Variants in GNAO1 observed in about 807,000 individuals in gnomAD.
GNAO1 encodes the protein G protein subunit alpha o1, also known as guanine nucleotide-binding protein G(o) subunit alpha.
For synonymous variants in GNAO1, 164 were observed against 180.7 expected (o/e 0.91, Z 0.74); for missense variants, 166 against 478.7 (o/e 0.35, Z 6.10).
intron 3 of GNAO1, chr16:56,300,960 T>C (rs1432692564): frequency 1.3e-5 from 2 of 152,216 alleles, no homozygotes; most frequent in African/African-American, 2.4e-5. Context: ...AAGTTTTAGT[T>C]CCAGAAGCCA....
At chr16:56,198,710 CATT>C (rs1164229578) in intron 2 of GNAO1, among the ~76,000 whole-genome samples, 7 of 152,280 alleles carry the variant, frequency 4.6e-5, no homozygotes, top group African/African-American at 7.2e-5. Context: ...ATGTAGAAAT[CATT>C]ATACAAATGT....
intron 2 of GNAO1, among the ~76,000 whole-genome samples, chr16:56,273,658 A>G (rs540661958): frequency 2.6e-5 from 4 of 152,298 alleles, no homozygotes; most frequent in Admixed American, 2.0e-4. Context: ...TTTATTCTCC[A>G]GGTAGTTAAG....
intron 2 of GNAO1, among the ~76,000 whole-genome samples, chr16:56,265,647 A>G (rs1392177769): frequency 2.6e-5 from 4 of 152,168 alleles, no homozygotes; most frequent in South Asian, 2.1e-4. Context: ...GCTATAATCT[A>G]TAAGTGTTCC....
At chr16:56,313,529 C>A (rs148824486) in intron 3 of GNAO1, among the ~76,000 whole-genome samples, 2 of 151,968 alleles carry the variant, frequency 1.3e-5, no homozygotes, top group Non-Finnish European at 2.9e-5. Flanking sequence ...GAAAATGGCT[C>A]GGTTCTCACA....
intron 2 of GNAO1, among the ~76,000 whole-genome samples, chr16:56,213,740 TG>T (rs1219058707): frequency 6.6e-6 from 1 of 151,864 alleles, no homozygotes; most frequent in East Asian, 1.9e-4. Context: ...GGGGGAAGAG[TG>T]CTCCAGGCAG....
Position 56,354,641 on chromosome 16 carries a change from A to G in GNAO1, c.878-225A>G, listed in dbSNP as rs948357174. Among the ~76,000 whole-genome samples, 4 of 152,144 alleles carry G rather than the reference A, an allele frequency of 2.6e-5. No homozygotes were observed. Among genetic ancestry groups the G allele is most frequent in the Non-Finnish European group, 4.4e-5 (3 of 68,028 alleles). On this transcript the variant is annotated intron_variant, in intron 7 of 8. Coordinates refer to ENST00000262493, the MANE Select transcript of GNAO1 (RefSeq NM_020988.3). The surrounding 1 kb of genome is among the most constrained non-coding windows in gnomAD (Gnocchi z 4.3). ...CAGTGAGCTGAGATCGTGCCATTGC[A>G]CTCCAGCCTGGGCAATAAGAGCAAA...
chr16:56,345,756 A>G, intron 6 of GNAO1: 1 of 985,620 alleles, frequency 1.0e-6, no homozygotes, highest in Non-Finnish European at 1.2e-6. Context: ...CGCCCAACAC[A>G]GAAGACATGG....
intron 6 of GNAO1, among the ~76,000 whole-genome samples, chr16:56,339,156 A>G (rs756099164): frequency 2.6e-5 from 4 of 152,246 alleles, no homozygotes; most frequent in Admixed American, 6.5e-5. Context: ...GCGCTGTAGA[A>G]CTAAGCAGTC....
At chr16:56,241,398 C>A (rs2036692880) in intron 2 of GNAO1, among the ~76,000 whole-genome samples, 1 of 152,174 alleles carries the variant, frequency 6.6e-6, no homozygotes, top group South Asian at 2.1e-4. Context: ...AAGTGAGCCC[C>A]TTTTAGTTCT....
At chr16:56,270,615 G>A (rs1158169753) in intron 2 of GNAO1, 1 of 152,160 alleles carries the variant, frequency 6.6e-6, no homozygotes, top group African/African-American at 2.4e-5. Flanking sequence ...GCAGAGATAG[G>A]TGAGATGTGG....
At chr16:56,295,685 C>T (rs2037281180) in intron 3 of GNAO1, among the ~76,000 whole-genome samples, 1 of 152,238 alleles carries the variant, frequency 6.6e-6, no homozygotes, top group Non-Finnish European at 1.5e-5. Context: ...TCTCGCTGCC[C>T]AGGCCACTGC....
intron 3 of GNAO1, among the ~76,000 whole-genome samples, chr16:56,328,292 C>T (rs1384047501): frequency 6.6e-6 from 1 of 152,134 alleles, no homozygotes; most frequent in Admixed American, 6.5e-5. Context: ...AGAGCAGAGC[C>T]AGGCCCACTC....
intron 2 of GNAO1, chr16:56,235,277 A>C (rs988221763): frequency 1.8e-5 from 8 of 455,454 alleles, no homozygotes; most frequent in Non-Finnish European, 3.1e-5. Flanking sequence ...GATCACCTAG[A>C]AACTTGATAG....
intron 8 of GNAO1, 94 bp downstream of exon 8, chr16:56,355,175 G>A: frequency 2.5e-6 from 1 of 406,570 alleles, no homozygotes. Flanking sequence ...ATGCAAGTTG[G>A]TAAATAAACT....
At chr16:56,337,708 G>A (rs2037756579) in intron 6 of GNAO1, among the ~76,000 whole-genome samples, 1 of 152,244 alleles carries the variant, frequency 6.6e-6, no homozygotes, top group Admixed American at 6.5e-5. Flanking sequence ...GCAGCGCTCT[G>A]GAGCTGTTTC....
At chr16:56,281,510 T>TC (rs1412185512) in intron 3 of GNAO1, among the ~76,000 whole-genome samples, 1 of 151,684 alleles carries the variant, frequency 6.6e-6, no homozygotes, top group Non-Finnish European at 1.5e-5. Context: ...CATCTCCCTT[T>TC]CCCCTCCCCT....
intron 6 of GNAO1, chr16:56,340,775 G>A (rs528809450): frequency 1.8e-5 from 28 of 1,518,492 alleles, no homozygotes; most frequent in South Asian, 4.7e-5. Flanking sequence ...GTCATTGGCC[G>A]CGGTGGGTCA....
At chr16:56,213,252 T>C (rs2036407410) in intron 2 of GNAO1, 14 of 398,466 alleles carry the variant, frequency 3.5e-5, no homozygotes. Context: ...CTTTCTTCTT[T>C]TTTTTTTCCC....
intron 3 of GNAO1, among the ~76,000 whole-genome samples, chr16:56,304,143 C>T (rs928163701): frequency 3.9e-5 from 6 of 152,224 alleles, no homozygotes; most frequent in Non-Finnish European, 7.3e-5. Context: ...GACTTGTAAA[C>T]ACAGAACACA....
Sources: allele counts gnomAD v4.1 joint callset (sites outside exome capture counted in the v4.1 genomes callset), GRCh38; gene constraint gnomAD v4.1.1; non-coding constraint Gnocchi (gnomAD v3.1); transcripts MANE v1.5; gene names NCBI Gene and HGNC (gene_info 2026-07-23, HGNC 2026-07-21).